SEZ6L: variants seen among roughly 807,000 people sequenced by gnomAD.
SEZ6L encodes seizure 6-like protein.
A neutral mutation model predicts 106.2 loss-of-function variants in SEZ6L; 37 were observed. That is an observed-to-expected ratio of 0.35 (90% CI 0.27 to 0.46). SEZ6L has a LOEUF of 0.46. Ranked by LOEUF, SEZ6L falls within the 20% of genes least tolerant of loss-of-function variation. SEZ6L has a pLI of 1.00. For missense variants in SEZ6L, 1,172 were observed against 1,332.8 expected (o/e 0.88, Z 1.88); for synonymous variants, 541 against 570.4 (o/e 0.95, Z 0.73).
intron 9 of SEZ6L, among the ~76,000 whole-genome samples, chr22:26,329,447 G>C (rs1403158675): frequency 6.6e-6 from 1 of 152,096 alleles, no homozygotes; most frequent in East Asian, 1.9e-4. Flanking sequence ...CAGCCTGGAT[G>C]ACAGAGTGAA....
chr22:26,351,928 G>C (rs891583418), intron 12 of SEZ6L, among the ~76,000 whole-genome samples: 1 of 152,050 alleles, frequency 6.6e-6, no homozygotes, highest in African/African-American at 2.4e-5. Context: ...GGAGGTCAAG[G>C]CAGGCAAACC....
chr22:26,236,750 T>C (rs2078968749), intron 1 of SEZ6L, among the ~76,000 whole-genome samples: 1 of 152,156 alleles, frequency 6.6e-6, no homozygotes, highest in Admixed American at 6.6e-5. Flanking sequence ...ATGTGCTAGC[T>C]AAAAAGGTCA....
intron 13 of SEZ6L, among the ~76,000 whole-genome samples, chr22:26,366,790 C>G (rs1419734833): frequency 6.6e-6 from 1 of 152,272 alleles, no homozygotes; most frequent in East Asian, 1.9e-4. Context: ...CCTTCAAAGT[C>G]TGGCACTTTT....
At chr22:26,329,400 G>A (rs1429282393) in intron 9 of SEZ6L, among the ~76,000 whole-genome samples, 6 of 152,072 alleles carry the variant, frequency 3.9e-5, no homozygotes, top group East Asian at 1.9e-4. Flanking sequence ...CCCAGGAGGC[G>A]GAGGTTGCAG....
rs574537879 is a variant in SEZ6L, at chr22:26,277,700, A to G, written c.95-14706A>G. ...GTCATACACACCAAGTCTTGTTCTC[A>G]GCACTGCAGGCACACTTGTGATTCA... On this transcript the variant is annotated intron_variant, in intron 1 of 16. Coordinates refer to ENST00000248933, the MANE Select transcript of SEZ6L (RefSeq NM_021115.5). Among the ~76,000 whole-genome samples the G allele has an allele frequency of 3.3e-5, 5 of 152,334 alleles. No homozygotes were observed. The East Asian group carries it at 7.7e-4, about 24-fold the overall frequency.
Position 26,268,080 on chromosome 22 carries a change from G to A in SEZ6L, c.95-24326G>A, listed in dbSNP as rs189462848. Among the ~76,000 whole-genome samples the A allele has an allele frequency of 1.4e-4, 21 of 152,330 alleles. No homozygotes were observed. The East Asian group carries it at 2.9e-3, about 21-fold the overall frequency. On this transcript the variant is annotated intron_variant, in intron 1 of 16. Transcript: ENST00000248933. Reference sequence around the variant, plus strand: ...CTTTTCAGGGCAATTTAATGACTGTGGCAAATAGCCCAGGCCATCAATTAA... The same window carrying A: ...CTTTTCAGGGCAATTTAATGACTGTAGCAAATAGCCCAGGCCATCAATTAA...
chr22:26,198,591 T>C (rs1288173555), intron 1 of SEZ6L, among the ~76,000 whole-genome samples: 1 of 152,244 alleles, frequency 6.6e-6, no homozygotes, highest in African/African-American at 2.4e-5. Flanking sequence ...GATGCTGGCA[T>C]TGGCAGGTTT....
In SEZ6L at chr22:26,258,928, A is replaced by T. The variant is rs368466833; in HGVS notation, c.95-33478A>T. 2.9e-4 allele frequency among the ~76,000 whole-genome samples: 44 copies of T among 152,324 alleles called. 2 individuals carry two copies. Among genetic ancestry groups the T allele is most frequent in the African/African-American group, 9.4e-4 (39 of 41,576 alleles). ...ATTTTAGAAAAATCATCATGGAAGG[A>T]GGATCTTTTGGAGGGAGAGATTGGA... On this transcript the variant is annotated intron_variant, in intron 1 of 16. Transcript: ENST00000248933.
Position 26,337,066 on chromosome 22 carries a change from A to G in SEZ6L, c.2016-3370A>G, listed in dbSNP as rs137909195. Among the ~76,000 whole-genome samples the G allele has an allele frequency of 4.6e-5, 7 of 152,106 alleles. No individual in the cohort carries two copies. The East Asian group carries it at 1.4e-3, about 29-fold the overall frequency. The stretch of plus-strand genomic sequence containing the variant: ...TGCTAATGCTGAAGCTGGAATTTGA[A>G]TCCAGACCTTCTGCCTGCCTCACCT... On this transcript the variant is annotated intron_variant, in intron 9 of 16. Coordinates refer to ENST00000248933, the MANE Select transcript of SEZ6L (RefSeq NM_021115.5).
chr22:26,317,082 G>A (rs1015586420), intron 9 of SEZ6L, among the ~76,000 whole-genome samples: 8 of 152,072 alleles, frequency 5.3e-5, no homozygotes, highest in Non-Finnish European at 8.8e-5. Context: ...ATGACATAAA[G>A]TTTAATGTGG....
At chr22:26,378,896 C>T (rs73158674) in intron 16 of SEZ6L, among the ~76,000 whole-genome samples, 10,015 of 152,254 alleles carry the variant, frequency 0.066, 668 homozygotes, top group African/African-American at 0.17. Context: ...TAGTTATCCA[C>T]TGATGTGTAA....
intron 1 of SEZ6L, among the ~76,000 whole-genome samples, chr22:26,215,540 C>G (rs1305600363): frequency 6.6e-6 from 1 of 151,894 alleles, no homozygotes; most frequent in Non-Finnish European, 1.5e-5. Context: ...CTAATGGAGA[C>G]TCAGGAAGGG....
chr22:26,383,492 C>T lies in SEZ6L; in HGVS notation c.*3197C>T, dbSNP rs977492584. 1.3e-5 allele frequency: 2 copies of T among 152,046 alleles called. No homozygotes were observed. The highest frequency in any genetic ancestry group is 2.1e-4 in the South Asian group (1 of 4,822). 9.4% of individuals were successfully genotyped at this position (152,046 alleles called of 1,614,324 possible). A position where few individuals can be genotyped will look rare whatever the true frequency, so the allele number is the denominator to read the frequency against. On this transcript the variant is annotated 3_prime_UTR_variant, in exon 17 of 17. Coordinates refer to ENST00000248933, the MANE Select transcript of SEZ6L (RefSeq NM_021115.5). ...TGGGAAATTTTCATTTCCATTTTATCGCCAAACAAAATAAAAAGCAAAACA... is the reference window on the plus strand; with the variant it reads ...TGGGAAATTTTCATTTCCATTTTATTGCCAAACAAAATAAAAAGCAAAACA...
In SEZ6L at chr22:26,271,408, T is replaced by C. The variant is rs1450404859; in HGVS notation, c.95-20998T>C. ...TGAATATACACATACACCAAAAACA[T>C]GGAATGGAGTTGATATTGTTTGGAT... On this transcript the variant is annotated intron_variant, in intron 1 of 16. Transcript: ENST00000248933. Among the ~76,000 whole-genome samples, 4 of 152,154 alleles carry C rather than the reference T, an allele frequency of 2.6e-5. No homozygotes were observed. The East Asian group carries it at 7.7e-4, about 29-fold the overall frequency.
intron 1 of SEZ6L, among the ~76,000 whole-genome samples, chr22:26,264,319 A>G (rs1016295372): frequency 1.3e-5 from 2 of 152,206 alleles, no homozygotes; most frequent in Non-Finnish European, 2.9e-5. Context: ...GATCAGGAAA[A>G]GCTTCTGCCC....
chr22:26,312,964 C>T (rs774361264), intron 8 of SEZ6L, among the ~76,000 whole-genome samples: 7 of 152,238 alleles, frequency 4.6e-5, no homozygotes, highest in Non-Finnish European at 8.8e-5. Flanking sequence ...CTGGCAGCCA[C>T]CGCCTCAATG....
chr22:26,252,232 G>T (rs1181052662), intron 1 of SEZ6L, among the ~76,000 whole-genome samples: 1 of 152,180 alleles, frequency 6.6e-6, no homozygotes, highest in East Asian at 1.9e-4. Context: ...GTTGGGCTAA[G>T]AAAAGGGTAA....
chr22:26,297,589 C>A (rs1030115507), intron 4 of SEZ6L, among the ~76,000 whole-genome samples: 6 of 152,136 alleles, frequency 3.9e-5, no homozygotes, highest in Non-Finnish European at 5.9e-5. Flanking sequence ...ATATATAGAT[C>A]CACTGTGCGT....
chr22:26,195,789 G>GTA (rs144860970), intron 1 of SEZ6L, among the ~76,000 whole-genome samples: 188 of 149,480 alleles, frequency 1.3e-3, no homozygotes, highest in African/African-American at 1.3e-3. Flanking sequence ...TATAGTGTGT[G>GTA]TATATATATA....
Sources: allele counts gnomAD v4.1 joint callset (sites outside exome capture counted in the v4.1 genomes callset), GRCh38; gene constraint gnomAD v4.1.1; transcripts MANE v1.5; gene names NCBI Gene and HGNC (gene_info 2026-07-23, HGNC 2026-07-21).